Variants in CNTNAP3B observed in about 807,000 individuals in gnomAD.
CNTNAP3B encodes contactin-associated protein-like 3B.
A neutral mutation model predicts 108.9 loss-of-function variants in CNTNAP3B; 25 were observed. The observed-to-expected ratio is 0.23, with a 90% CI of 0.17 to 0.32. The LOEUF (loss-of-function observed/expected upper bound fraction) is 0.32. Ranked by LOEUF, CNTNAP3B falls within the 10% of genes least tolerant of loss-of-function variation. The probability of loss-of-function intolerance (pLI) is 1.00; values close to 1 mark genes in which losing one functional copy is unlikely to be tolerated. For missense variants in CNTNAP3B, 252 were observed against 1,210.4 expected, an observed-to-expected ratio of 0.21 and a Z score of 11.75; for synonymous variants, 103 against 473.4, an observed-to-expected ratio of 0.22 and a Z score of 10.16.
rs1009354877 is a variant in CNTNAP3B at position 42,026,851 on chromosome 9, C to T, written c.391-13326G>A. Among the ~76,000 whole-genome samples, 11 of 134,058 alleles carry T rather than the reference C, an allele frequency of 8.2e-5. 1 individual carries two copies. Among genetic ancestry groups the T allele is most frequent in the African/African-American group, 2.1e-4 (7 of 32,988 alleles). 87.9% of individuals were successfully genotyped at this position (134,058 alleles called of 152,430 possible). ...TGAAATTTTCCCCAGGAACCCAATC[C>T]TGCTGAGCCAAAGTAGATAATGGGA... On this transcript the variant is annotated intron_variant, in intron 3 of 23. Coordinates refer to ENST00000377561, the MANE Select transcript of CNTNAP3B (RefSeq NM_001201380.3).
At chr9:41,958,581 T>A (rs1693079) in intron 12 of CNTNAP3B, among the ~76,000 whole-genome samples, 9 of 151,906 alleles carry the variant, frequency 5.9e-5, no homozygotes, top group Non-Finnish European at 1.2e-4. Flanking sequence ...AGGGAGCCTG[T>A]GCCTCTGGGC....
intron 1 of CNTNAP3B, among the ~76,000 whole-genome samples, chr9:42,124,132 T>C (rs1328937556): frequency 7.2e-6 from 1 of 138,882 alleles, no homozygotes; most frequent in Non-Finnish European, 1.5e-5. Flanking sequence ...ATCACAATCC[T>C]GTAGTTATAA....
intron 3 of CNTNAP3B, among the ~76,000 whole-genome samples, chr9:42,041,778 C>T (rs1826762961): frequency 7.2e-6 from 1 of 139,306 alleles, no homozygotes; most frequent in African/African-American, 2.8e-5. Context: ...GCTATAAAGA[C>T]ACATGCACGT....
At chr9:42,097,861 C>A (rs1299993514) in intron 2 of CNTNAP3B, among the ~76,000 whole-genome samples, 1 of 137,720 alleles carries the variant, frequency 7.3e-6, no homozygotes, top group East Asian at 2.2e-4. Context: ...CTTTGCTAAG[C>A]ATTTATTTAA....
At position 42,113,130 on chromosome 9, in the gene CNTNAP3B, T is replaced by C. The variant is rs533749815; in HGVS notation, c.86-8391A>G. On this transcript the variant is annotated intron_variant, in intron 1 of 23. Coordinates refer to ENST00000377561, the MANE Select transcript of CNTNAP3B (RefSeq NM_001201380.3). ...TTACAACAATAAATATAAGAACTAT[T>C]TAAACATGTGGAGAGATGAAGGAGA... Among the ~76,000 whole-genome samples the C allele has an allele frequency of 4.4e-5, 6 of 135,604 alleles. No individual in the cohort carries two copies. The South Asian group carries it at 1.2e-3, about 27-fold the overall frequency. The allele number at this position is 135,604 out of a possible 152,430, so 89.0% of individuals were successfully genotyped here.
chr9:42,061,917 T>C (rs1827187456), intron 3 of CNTNAP3B, among the ~76,000 whole-genome samples: 1 of 92,354 alleles, frequency 1.1e-5, no homozygotes, highest in African/African-American at 4.1e-5. Flanking sequence ...GATATAGAAT[T>C]TCCCTCCTAT....
At chr9:42,070,850 TCTA>T (rs1457556028) in intron 3 of CNTNAP3B, among the ~76,000 whole-genome samples, 1 of 151,866 alleles carries the variant, frequency 6.6e-6, no homozygotes, top group Non-Finnish European at 1.5e-5. Flanking sequence ...CCATGGGAGA[TCTA>T]CTAATGCACT....
chr9:42,118,139 C>G (rs567353232), intron 1 of CNTNAP3B, among the ~76,000 whole-genome samples: 1 of 138,970 alleles, frequency 7.2e-6, no homozygotes, highest in Non-Finnish European at 1.5e-5. Context: ...CTATTCCAAT[C>G]AACAGAAAAA....
At chr9:41,969,690 T>C (rs991464959) in intron 10 of CNTNAP3B, among the ~76,000 whole-genome samples, 1 of 151,520 alleles carries the variant, frequency 6.6e-6, no homozygotes. Flanking sequence ...CGATCTCTGC[T>C]CACTGCAAGC....
At chr9:41,947,006 T>C (rs1187853947) in intron 13 of CNTNAP3B, among the ~76,000 whole-genome samples, 3 of 125,698 alleles carry the variant, frequency 2.4e-5, no homozygotes, top group Non-Finnish European at 5.2e-5. Context: ...ATAAAGCCTA[T>C]TAATATAAGA....
At chr9:41,963,350 T>C in intron 11 of CNTNAP3B, among the ~76,000 whole-genome samples, 1 of 151,960 alleles carries the variant, frequency 6.6e-6, no homozygotes, top group Non-Finnish European at 1.5e-5. Flanking sequence ...AGTAGAGATA[T>C]ACAGAAAGAA....
rs534560093 is a variant in CNTNAP3B at position 41,958,453 on chromosome 9, G to A, written c.1876+2320C>T. On this transcript the variant is annotated intron_variant, in intron 12 of 23. Coordinates refer to ENST00000377561, the MANE Select transcript of CNTNAP3B (RefSeq NM_001201380.3). ...AGCTGAAATTTTTTCTTGATAACCA[G>A]ATGTGATGTACCAGGTAAAAGTAAC... is the stretch of plus-strand genomic sequence containing the variant. Among the ~76,000 whole-genome samples the A allele has an allele frequency of 1.8e-4, 27 of 152,160 alleles. No homozygotes were observed. In the South Asian group the frequency reaches 5.6e-3, roughly 32 times the overall value.
chr9:42,051,350 G>A (rs142454706), intron 3 of CNTNAP3B, among the ~76,000 whole-genome samples: 1,198 of 79,592 alleles, frequency 0.015, 273 homozygotes, highest in African/African-American at 0.059. Context: ...TCCTGAACCT[G>A]AACTCAGAGG....
intron 11 of CNTNAP3B, among the ~76,000 whole-genome samples, chr9:41,961,490 C>A (rs2118208574): frequency 6.6e-6 from 1 of 152,418 alleles, no homozygotes; most frequent in South Asian, 2.1e-4. Flanking sequence ...CCTCATTCTC[C>A]CTGTAATAAC....
intron 13 of CNTNAP3B, among the ~76,000 whole-genome samples, chr9:41,950,919 C>T (rs1587136211): frequency 4.7e-5 from 7 of 149,260 alleles, no homozygotes. Context: ...CCACACCTGG[C>T]TACTTTTTTG....
rs1239673098 is a variant in CNTNAP3B at position 42,129,351 on chromosome 9, C to T, written c.-257G>A. On this transcript the variant is annotated 5_prime_UTR_variant, in exon 1 of 24. Coordinates refer to ENST00000377561, the MANE Select transcript of CNTNAP3B (RefSeq NM_001201380.3). The stretch of plus-strand genomic sequence containing the variant: ...GGAGCCTGGGGGCCGCGCGGCGCCG[C>T]CCCAGGCACGGAGGCGGCAGGTTCA... 8.1e-6 allele frequency: 3 copies of T among 371,238 alleles called. No homozygotes were observed. The Admixed American group carries it at 1.9e-4, about 24-fold the overall frequency. 23.0% of individuals were successfully genotyped at this position (371,238 alleles called of 1,614,324 possible). A position where few individuals can be genotyped will look rare whatever the true frequency, so the allele number is the denominator to read the frequency against.
chr9:41,943,410 T>A (rs1231486541), intron 13 of CNTNAP3B, among the ~76,000 whole-genome samples: 5 of 146,176 alleles, frequency 3.4e-5, no homozygotes, highest in African/African-American at 1.3e-4. Flanking sequence ...TGGAGTGCAG[T>A]GGTGCAATCT....
At chr9:42,033,090 A>G (rs1329433186) in intron 3 of CNTNAP3B, among the ~76,000 whole-genome samples, 1,990 of 129,558 alleles carry the variant, frequency 0.015, 4 homozygotes, top group South Asian at 0.03. Context: ...AAAAATATCA[A>G]AAAAGACAAA....
chr9:42,061,378 C>T (rs1827175946), intron 3 of CNTNAP3B, among the ~76,000 whole-genome samples: 1 of 129,388 alleles, frequency 7.7e-6, no homozygotes, highest in African/African-American at 3.2e-5. Flanking sequence ...AGTGCAGTGG[C>T]ACGAGCTTGG....
Sources: gnomAD v4.1 joint callset for allele counts (sites outside exome capture counted in the v4.1 genomes callset) on GRCh38, gnomAD v4.1.1 for gene constraint, MANE v1.5 for transcripts, NCBI Gene and HGNC (gene_info 2026-07-23, HGNC 2026-07-21) for gene names.